The following RYR2 variants were observed in gnomAD, a reference collection of about 807,000 sequenced individuals.
RYR2 encodes ryanodine receptor 2, also known as cardiac muscle ryanodine receptor-calcium release channel.
Under a neutral mutation model 601.1 loss-of-function variants are expected in RYR2, and 227 were observed. The ratio of observed to expected loss-of-function variants is 0.38; its 90% CI spans 0.34 to 0.42. RYR2 has a LOEUF of 0.42. RYR2 is among the 10% of genes least tolerant of loss of function. The probability of loss-of-function intolerance (pLI) is 1.00; values close to 1 mark genes in which losing one functional copy is unlikely to be tolerated. For synonymous variants in RYR2, 2,223 were observed against 2,175.1 expected, an observed-to-expected ratio of 1.02 and a Z score of -0.61; for missense variants, 4,646 against 6,156.5, an observed-to-expected ratio of 0.75 and a Z score of 8.21.
At chr1:237,087,067 C>G (rs746431792) in intron 1 of RYR2, among the ~76,000 whole-genome samples, 1 of 152,122 alleles carries the variant, frequency 6.6e-6, no homozygotes, top group Non-Finnish European at 1.5e-5. Flanking sequence ...ATTCTCAGCA[C>G]GCGCAAGTGA....
intron 3 of RYR2, among the ~76,000 whole-genome samples, chr1:237,332,393 G>A (rs1696835777): frequency 6.6e-6 from 1 of 151,924 alleles, no homozygotes; most frequent in Non-Finnish European, 1.5e-5. Context: ...AGTTTTTCAG[G>A]TTCATTTTTT....
At chr1:237,563,453 T>C (rs184406508) in intron 27 of RYR2, among the ~76,000 whole-genome samples, 8 of 141,980 alleles carry the variant, frequency 5.6e-5, no homozygotes, top group African/African-American at 1.7e-4. Context: ...TCCACAGAGA[T>C]TAAAAAAGAA....
rs553197529 is a variant in RYR2 at position 237,481,809 on chromosome 1, C to CAAA, written c.1709-9973_1709-9971dup. 5.8e-4 allele frequency among the ~76,000 whole-genome samples: 27 copies of CAAA among 46,874 alleles called. 3 individuals are homozygous for CAAA. The highest frequency in any genetic ancestry group is 1.7e-3 in the African/African-American group (24 of 13,776). 30.8% of individuals were successfully genotyped at this position (46,874 alleles called of 152,430 possible). A position where few individuals can be genotyped will look rare whatever the true frequency, so the allele number is the denominator to read the frequency against. On this transcript the variant is annotated intron_variant, in intron 17 of 104. Transcript: ENST00000366574. ...TTACAGCCTCACCATTGCTGTGTAG[C>CAAA]AAAAAAAAAAAAAAAAAAAAAAAAA...
At chr1:237,313,560 C>T (rs74147237) in intron 2 of RYR2, among the ~76,000 whole-genome samples, 5,240 of 152,162 alleles carry the variant, frequency 0.034, 339 homozygotes, top group African/African-American at 0.12. Context: ...TTCTCCCTGG[C>T]GAGCTTCCAG....
At chr1:237,385,827 T>C (rs1340205204) in intron 8 of RYR2, among the ~76,000 whole-genome samples, 1 of 152,222 alleles carries the variant, frequency 6.6e-6, no homozygotes, top group African/African-American at 2.4e-5. Flanking sequence ...CTGGATAACA[T>C]TGCCAGATGC....
At position 237,743,397 on chromosome 1, in the gene RYR2, AT is replaced by A. The variant is rs144611979; in HGVS notation, c.11145+1049del. The stretch of plus-strand genomic sequence containing the variant: ...AAAATGCCATAAGATTAATTTCTGT[AT>A]GATTTCTATAATCTTTTCTAATGTA... On this transcript the variant is annotated intron_variant, in intron 80 of 104. Transcript: ENST00000366574. Among the ~76,000 whole-genome samples, 861 of 152,298 alleles carry A rather than the reference AT, an allele frequency of 5.7e-3. 10 individuals carry two copies. The highest frequency in any genetic ancestry group is 0.02 in the African/African-American group (839 of 41,568).
intron 1 of RYR2, among the ~76,000 whole-genome samples, chr1:237,169,338 C>T (rs575397760): frequency 2.6e-4 from 39 of 150,608 alleles, no homozygotes; most frequent in African/African-American, 7.3e-4. Flanking sequence ...CTTGCTTTGT[C>T]GCCAGGCTGG....
chr1:237,786,123 G>A (rs1246990267), intron 91 of RYR2, 87 bp downstream of exon 91: 3 of 833,098 alleles, frequency 3.6e-6, no homozygotes, highest in East Asian at 2.7e-5. Context: ...GAGCTGCAAG[G>A]GAGAATCTCA....
intron 90 of RYR2, among the ~76,000 whole-genome samples, chr1:237,785,452 A>C (rs1245589377): frequency 1.3e-5 from 2 of 152,188 alleles, no homozygotes; most frequent in East Asian, 3.9e-4. Context: ...ACTGGGTATC[A>C]TAGGGAATTC....
intron 50 of RYR2, among the ~76,000 whole-genome samples, chr1:237,650,793 G>A (rs887054287): frequency 6.6e-6 from 1 of 152,218 alleles, no homozygotes; most frequent in African/African-American, 2.4e-5. Flanking sequence ...TGTCTGGGTT[G>A]AGAACCAGAT....
At chr1:237,274,213 A>G (rs1690027497) in intron 2 of RYR2, among the ~76,000 whole-genome samples, 1 of 151,056 alleles carries the variant, frequency 6.6e-6, no homozygotes, top group Non-Finnish European at 1.5e-5. Flanking sequence ...TATCCTATGT[A>G]TATGTGTATA....
chr1:237,088,104 T>C (rs1456744887), intron 1 of RYR2, among the ~76,000 whole-genome samples: 1 of 152,318 alleles, frequency 6.6e-6, no homozygotes, highest in East Asian at 1.9e-4. Context: ...TGGATACTAT[T>C]GGAAATTAAT....
chr1:237,736,571 T>G lies in RYR2; in HGVS notation c.11091+2815T>G, dbSNP rs181133221. On this transcript the variant is annotated intron_variant, in intron 79 of 104. Coordinates refer to ENST00000366574, the MANE Select transcript of RYR2 (RefSeq NM_001035.3). ...TCCTTTTAAGGTTATTTGCTCGCTC[T>G]CTCTCTGAAGACAAAAGGACAGTCA... 3.4e-3 allele frequency among the ~76,000 whole-genome samples: 516 copies of G among 152,142 alleles called. 5 individuals are homozygous for G. Among genetic ancestry groups the G allele is most frequent in the Non-Finnish European group, 5.0e-3 (337 of 68,008 alleles).
At chr1:237,114,641 A>G (rs924406646) in intron 1 of RYR2, among the ~76,000 whole-genome samples, 1 of 152,218 alleles carries the variant, frequency 6.6e-6, no homozygotes, top group Non-Finnish European at 1.5e-5. Context: ...GGGATAGAGC[A>G]TGACTCCACT....
At chr1:237,097,829 G>A (rs1169929496) in intron 1 of RYR2, among the ~76,000 whole-genome samples, 2 of 152,166 alleles carry the variant, frequency 1.3e-5, no homozygotes, top group Non-Finnish European at 2.9e-5. Context: ...CTGGAGACCT[G>A]GGGAGGGAGA....
Position 237,657,945 on chromosome 1 carries a change from A to G in RYR2, c.8131A>G (p.Ile2711Val), listed in dbSNP as rs1465720686. The change falls in exon 54 of 105, where the codon ATT (isoleucine) becomes GTT (valine). Residue 2711 changes from isoleucine to valine, a missense_variant and splice_region_variant. Around this residue, in one of 17 missense-constraint regions of RYR2, gnomAD observed 1,497 missense variants for 1,842.6 expected, o/e 0.81. Transcript: ENST00000366574. The part of the protein sequence containing the change: ...FNPQPVDTSN[I>V]TIPEKLEYFI... ...CTTTTGTCTTTACTTTTCTCATAGT[A>G]TTACAATTCCTGAGAAATTGGAATA... 1.3e-6 allele frequency: 2 copies of G among 1,486,390 alleles called. No individual in the cohort carries two copies. Among genetic ancestry groups the G allele is most frequent in the Middle Eastern group, 1.7e-4 (1 of 5,790 alleles). The allele number at this position is 1,486,390 out of a possible 1,614,324, so 92.1% of individuals were successfully genotyped here. A position where few individuals can be genotyped will look rare whatever the true frequency, so the allele number is the denominator to read the frequency against.
chr1:237,511,815 T>C (rs770719855), intron 24 of RYR2, 24 bp downstream of exon 24: 1 of 1,165,794 alleles, frequency 8.6e-7, no homozygotes, highest in Non-Finnish European at 1.2e-6. Flanking sequence ...CTTTTTCTAT[T>C]TTCCAACCTG....
intron 1 of RYR2, among the ~76,000 whole-genome samples, chr1:237,116,905 A>G (rs2485562): frequency 0.073 from 11,065 of 152,240 alleles, 571 homozygotes; most frequent in African/African-American, 0.15. Context: ...GAGTTCACCA[A>G]TTCACATGCT....
intron 47 of RYR2, among the ~76,000 whole-genome samples, chr1:237,643,073 A>G (rs1189916254): frequency 6.6e-6 from 1 of 152,242 alleles, no homozygotes; most frequent in Non-Finnish European, 1.5e-5. Context: ...AAAAACTATT[A>G]TTCTAATGGA....
Sources: allele counts gnomAD v4.1 joint callset (sites outside exome capture counted in the v4.1 genomes callset), GRCh38; gene constraint gnomAD v4.1.1; regional missense constraint gnomAD v4.1.1; transcripts MANE v1.5; gene names NCBI Gene and HGNC (gene_info 2026-07-23, HGNC 2026-07-21).